Variants in LRRK1 observed in about 807,000 individuals in gnomAD.
LRRK1 encodes leucine-rich repeat serine/threonine-protein kinase 1.
LRRK1 carries 113 observed loss-of-function variants against 209.1 expected under a neutral mutation model. The ratio of observed to expected loss-of-function variants is 0.54; its 90% CI spans 0.46 to 0.63. The LOEUF is 0.63. Among genes scored for constraint, LRRK1 ranks in the 30% least tolerant of loss-of-function variants. The pLI is 0.00. For synonymous variants in LRRK1, 1,144 were observed against 1,099.7 expected (o/e 1.04, Z -0.80); for missense variants, 2,284 against 2,632.2 (o/e 0.87, Z 2.89).
At chr15:100,980,809 G>T (rs1230587801) in intron 3 of LRRK1, among the ~76,000 whole-genome samples, 7 of 152,206 alleles carry the variant, frequency 4.6e-5, no homozygotes, top group Admixed American at 1.3e-4. Context: ...CCATAGGGCA[G>T]TTACTAGAAG....
At chr15:100,941,404 G>GTGTGTGTCTATGTGTGGGTGTC (rs1567190972) in intron 2 of LRRK1, among the ~76,000 whole-genome samples, 1 of 118,676 alleles carries the variant, frequency 8.4e-6, no homozygotes, top group African/African-American at 5.1e-5. Context: ...GTGTGTCTGT[G>GTGTGTGTCTATGTGTGGGTGTC]TGTGTCTCTG....
chr15:100,983,858 C>G (rs1426925745), intron 4 of LRRK1, 159 bp downstream of exon 4: 1 of 784,252 alleles, frequency 1.3e-6, no homozygotes, highest in Non-Finnish European at 2.3e-6. Context: ...GCCTGCCAGC[C>G]ACATTCCACC....
chr15:100,987,779 T>C, intron 4 of LRRK1, among the ~76,000 whole-genome samples: 1 of 152,120 alleles, frequency 6.6e-6, no homozygotes, highest in Non-Finnish European at 1.5e-5. Flanking sequence ...GATTAAGAAA[T>C]GTGTCCAAAA....
chr15:101,026,797 G>A (rs1268394229), intron 17 of LRRK1, among the ~76,000 whole-genome samples: 1 of 152,180 alleles, frequency 6.6e-6, no homozygotes, highest in Non-Finnish European at 1.5e-5. Context: ...CCTCGCCCGG[G>A]GCAGAGCGCC....
At position 101,074,516 on chromosome 15, in the gene LRRK1, A is replaced by G. The variant is rs2036913644; in HGVS notation, c.*5668A>G. ...TTTGGCAGCAACCCTGAGACACTTT[A>G]CGGCCCTAGACCCTAAAAGCCCAAA... On this transcript the variant is annotated 3_prime_UTR_variant, in exon 34 of 34. Coordinates refer to ENST00000388948, the MANE Select transcript of LRRK1 (RefSeq NM_024652.6). The G allele has an allele frequency of 1.3e-5, 2 of 152,100 alleles. No individual in the cohort carries two copies. Among genetic ancestry groups the G allele is most frequent in the African/African-American group, 4.8e-5 (2 of 41,390 alleles). 9.4% of individuals were successfully genotyped at this position (152,100 alleles called of 1,614,324 possible). A position where few individuals can be genotyped will look rare whatever the true frequency, so the allele number is the denominator to read the frequency against.
At position 101,027,242 on chromosome 15, in the gene LRRK1, CG is replaced by C; in HGVS notation, c.2406-16del. 3.7e-6 allele frequency: 6 copies of C among 1,613,546 alleles called. No individual in the cohort carries two copies. The highest frequency in any genetic ancestry group is 5.1e-6 in the Non-Finnish European group (6 of 1,179,782). On this transcript the variant is annotated intron_variant, in intron 17 of 33. Coordinates refer to ENST00000388948, the MANE Select transcript of LRRK1 (RefSeq NM_024652.6). The surrounding 1 kb of genome is among the most constrained non-coding windows in gnomAD (Gnocchi z 5.1). ...CGGAGTGGGGCATGATGAGTAAAGACGGGTCTTTTTGCTCACAGTGAGATTT... is the reference window on the plus strand; with the variant it reads ...CGGAGTGGGGCATGATGAGTAAAGACGGTCTTTTTGCTCACAGTGAGATTT...
chr15:101,027,761 G>A lies in LRRK1; in HGVS notation c.2650G>A (p.Asp884Asn), dbSNP rs758457191. The A allele has an allele frequency of 1.4e-4, 221 of 1,600,768 alleles. 1 individual carries two copies. Among genetic ancestry groups the A allele is most frequent in the Non-Finnish European group, 1.7e-4 (199 of 1,174,072 alleles). The change falls in exon 19 of 34, where the codon GAC becomes AAC. Residue 884 changes from aspartate (D) to asparagine (N), a missense_variant. Asp to Asn is a conservative substitution (Grantham distance 23). Coordinates refer to ENST00000388948, the MANE Select transcript of LRRK1 (RefSeq NM_024652.6). This position sits in a 1 kb window ranked among gnomAD's most constrained non-coding sequence, Gnocchi z 5.1. ...GGAGCAGCTGGTGGAGCAGACGCCC[G>A]ACAACGACATCAAGGACTACGAGGA... ...QLEQLVEQTP[D>N]NDIKDYEDLQ...
At chr15:100,981,066 G>A (rs1259924170) in intron 3 of LRRK1, among the ~76,000 whole-genome samples, 1 of 152,258 alleles carries the variant, frequency 6.6e-6, no homozygotes, top group Non-Finnish European at 1.5e-5. Context: ...ATCCTTTGCA[G>A]AGGGCGACTG....
At chr15:101,003,087 A>G (rs2032778873) in intron 6 of LRRK1, among the ~76,000 whole-genome samples, 1 of 152,222 alleles carries the variant, frequency 6.6e-6, no homozygotes, top group South Asian at 2.1e-4. Context: ...CACTTTGTGG[A>G]CACCTGGGCA....
chr15:101,031,841 T>C (rs943069233), intron 20 of LRRK1, among the ~76,000 whole-genome samples: 56 of 152,164 alleles, frequency 3.7e-4, no homozygotes, highest in African/African-American at 1.3e-3. Context: ...TTCTTGCCAT[T>C]CTCCTGCCTC....
At chr15:100,976,320 G>C (rs1048859676) in intron 3 of LRRK1, among the ~76,000 whole-genome samples, 2 of 152,164 alleles carry the variant, frequency 1.3e-5, no homozygotes, top group Admixed American at 6.5e-5. Flanking sequence ...TCAATACCAA[G>C]AGTAGGTGAG....
intron 3 of LRRK1, among the ~76,000 whole-genome samples, chr15:100,980,148 G>A (rs1366399442): frequency 6.6e-6 from 1 of 152,134 alleles, no homozygotes; most frequent in African/African-American, 2.4e-5. Flanking sequence ...AACTTTATTT[G>A]TAATGGCCCA....
At position 100,973,736 on chromosome 15, in the gene LRRK1, A is replaced by G. The variant is rs1038248172; in HGVS notation, c.98-68A>G. ...GCCGCGCCGCCTCCTGCTGTGTTCC[A>G]CGGTGATTCTCAAGAGCACGCGGGC... On this transcript the variant is annotated intron_variant, in intron 2 of 33. Transcript: ENST00000388948. 4.0e-6 allele frequency: 5 copies of G among 1,239,888 alleles called. No homozygotes were observed. In the Admixed American group the frequency reaches 1.3e-4, roughly 31 times the overall value. The allele number at this position is 1,239,888 out of a possible 1,614,324, so 76.8% of individuals were successfully genotyped here.
chr15:100,952,273 A>G (rs1175356450), intron 2 of LRRK1, among the ~76,000 whole-genome samples: 3 of 152,220 alleles, frequency 2.0e-5, no homozygotes, highest in Non-Finnish European at 2.9e-5. Flanking sequence ...AATATATTCA[A>G]ACCCACTGAA....
chr15:100,924,658 C>G lies in LRRK1; in HGVS notation c.26C>G (p.Pro9Arg), dbSNP rs950488806. The change falls in exon 2 of 34, where the codon CCC becomes CGC. Residue 9 changes from proline to arginine, a missense_variant. Pro to Arg is a moderately radical substitution (Grantham distance 103). Transcript: ENST00000388948. Reference protein sequence around the residue: MAGMSQRPPSMYWCVGPEE... With the variant: MAGMSQRPRSMYWCVGPEE... ...ATGGCTGGCATGTCGCAAAGACCCC[C>G]CAGCATGTACTGGTGTGTGGGGCCG... is the stretch of plus-strand genomic sequence containing the variant. 2 of 1,614,162 alleles carry G rather than the reference C, an allele frequency of 1.2e-6. No homozygotes were observed. The highest frequency in any genetic ancestry group is 3.3e-5 in the Admixed American group (2 of 60,022).
chr15:100,981,731 T>C (rs1328258057), intron 3 of LRRK1, among the ~76,000 whole-genome samples: 4 of 152,224 alleles, frequency 2.6e-5, no homozygotes, highest in African/African-American at 7.2e-5. Flanking sequence ...ATTCCTGGCA[T>C]GACTGTTAGG....
intron 20 of LRRK1, among the ~76,000 whole-genome samples, chr15:101,044,830 A>C (rs1232941302): frequency 6.6e-6 from 1 of 152,262 alleles, no homozygotes; most frequent in Admixed American, 6.5e-5. Context: ...GGCACGGCCC[A>C]GGGCCTCCTG....
chr15:100,989,585 C>G (rs1424892313), intron 6 of LRRK1, 187 bp downstream of exon 6: 4 of 621,092 alleles, frequency 6.4e-6, no homozygotes, highest in Non-Finnish European at 1.1e-5. Context: ...AGGTGGAGGG[C>G]AAGAGACCAA....
intron 2 of LRRK1, among the ~76,000 whole-genome samples, chr15:100,929,726 C>T (rs764199883): frequency 1.7e-4 from 26 of 152,296 alleles, no homozygotes; most frequent in African/African-American, 6.0e-4. Flanking sequence ...GTGTTCACAC[C>T]GTGAGAGCCA....
Sources: allele counts gnomAD v4.1 joint callset (sites outside exome capture counted in the v4.1 genomes callset), GRCh38; gene constraint gnomAD v4.1.1; non-coding constraint Gnocchi (gnomAD v3.1); transcripts MANE v1.5; gene names NCBI Gene and HGNC (gene_info 2026-07-23, HGNC 2026-07-21).